ARCN1: variants seen among roughly 807,000 people sequenced by gnomAD.
The protein encoded by ARCN1 is coatomer subunit delta.
In ARCN1, 5 loss-of-function variants were observed where a neutral mutation model predicts 60.4. That is an observed-to-expected ratio of 0.08 (90% confidence interval 0.04 to 0.17). ARCN1 has a LOEUF of 0.17. Ranked by LOEUF, ARCN1 falls within the 10% of genes least tolerant of loss-of-function variation. The probability of loss-of-function intolerance (pLI) is 1.00; values close to 1 mark genes in which losing one functional copy is unlikely to be tolerated. For synonymous variants in ARCN1, 224 were observed against 220.0 expected (o/e 1.02, Z -0.16); for missense variants, 464 against 626.5 (o/e 0.74, Z 2.77).
At chr11:118,587,406 C>T (rs1448646972) in intron 5 of ARCN1, among the ~76,000 whole-genome samples, 2 of 152,126 alleles carry the variant, frequency 1.3e-5, no homozygotes, top group Non-Finnish European at 2.9e-5. Context: ...TTATGCAAAG[C>T]AGTAAAACTA....
intron 7 of ARCN1, 62 bp downstream of exon 7, chr11:118,592,918 C>A (rs2135551937): frequency 6.8e-7 from 1 of 1,460,990 alleles, no homozygotes; most frequent in South Asian, 1.5e-5. Context: ...ATAGCCCTTG[C>A]TGGTACACTT....
At chr11:118,578,294 A>G (rs1003045146) in intron 1 of ARCN1, among the ~76,000 whole-genome samples, 1 of 151,914 alleles carries the variant, frequency 6.6e-6, no homozygotes, top group Non-Finnish European at 1.5e-5. Flanking sequence ...TTTTACTTGT[A>G]TGGTATAGAG....
intron 8 of ARCN1, among the ~76,000 whole-genome samples, chr11:118,594,606 A>G (rs1319515851): frequency 1.3e-5 from 2 of 151,450 alleles, no homozygotes; most frequent in African/African-American, 2.4e-5. Flanking sequence ...CTGGAGTGCA[A>G]TGATGTGATC....
At chr11:118,595,926 G>A (rs1291182337) in intron 8 of ARCN1, among the ~76,000 whole-genome samples, 1 of 152,162 alleles carries the variant, frequency 6.6e-6, no homozygotes, top group Non-Finnish European at 1.5e-5. Context: ...AATTAGCTGG[G>A]CCTGGTGGCG....
At position 118,583,266 on chromosome 11, in the gene ARCN1, C is replaced by G; in HGVS notation, c.355C>G (p.Leu119Val). ...LIFAFDEIVALGYRENVNLAQ... is the reference protein window; with the variant it reads ...LIFAFDEIVAVGYRENVNLAQ... Reference sequence around the variant, plus strand: ...TTTTGCTTTTGATGAAATTGTCGCACTGGGATACCGGGAGAATGTTAACTT... The same window carrying G: ...TTTTGCTTTTGATGAAATTGTCGCAGTGGGATACCGGGAGAATGTTAACTT... The change falls in exon 3 of 10, where the codon CTG becomes GTG. Residue 119 changes from leucine (L) to valine (V), a missense_variant. By Grantham distance (32) the Leu-to-Val change is conservative (BLOSUM62 1). Coordinates refer to ENST00000264028, the MANE Select transcript of ARCN1 (RefSeq NM_001655.5). 1 of 1,614,150 alleles carries G rather than the reference C, an allele frequency of 6.2e-7. No individual in the cohort carries two copies. The highest frequency in any genetic ancestry group is 8.5e-7 in the Non-Finnish European group (1 of 1,180,026).
chr11:118,573,073 G>A (rs1460631047), intron 1 of ARCN1: 2 of 160,020 alleles, frequency 1.2e-5, no homozygotes, highest in Non-Finnish European at 2.7e-5. Flanking sequence ...AGGGGGAAAT[G>A]GAGACACAGA....
chr11:118,602,779 C>T lies in ARCN1; in HGVS notation c.*2065C>T, dbSNP rs1555078377. ...ATTTTTTAAAAGTCAAGTTTAATTT[C>T]AAAAAACCTTTTTTTTCTGAGATTA... On this transcript the variant is annotated 3_prime_UTR_variant, in exon 10 of 10. Coordinates refer to ENST00000264028, the MANE Select transcript of ARCN1 (RefSeq NM_001655.5). The T allele has an allele frequency of 1.3e-5, 2 of 153,568 alleles. No individual in the cohort carries two copies. The highest frequency in any genetic ancestry group is 4.1e-4 in the South Asian group (2 of 4,830). 9.5% of individuals were successfully genotyped at this position (153,568 alleles called of 1,614,324 possible). A position where few individuals can be genotyped will look rare whatever the true frequency, so the allele number is the denominator to read the frequency against.
At chr11:118,588,508 AC>A (rs1555075794) in intron 5 of ARCN1, among the ~76,000 whole-genome samples, 1 of 152,228 alleles carries the variant, frequency 6.6e-6, no homozygotes. Flanking sequence ...TATTAGGTCA[AC>A]TGACGAAATT....
At chr11:118,597,633 A>T (rs533044434) in intron 8 of ARCN1, 74 bp from the exon 9 acceptor site, 1 of 1,542,874 alleles carries the variant, frequency 6.5e-7, no homozygotes, top group African/African-American at 1.4e-5. Context: ...TCATATATCA[A>T]ATTTGGGGTT....
intron 6 of ARCN1, among the ~76,000 whole-genome samples, chr11:118,591,178 A>G (rs782127672): frequency 6.6e-6 from 1 of 152,250 alleles, no homozygotes; most frequent in African/African-American, 2.4e-5. Flanking sequence ...ATAGATATAT[A>G]TAAGCCCTGC....
chr11:118,597,572 T>TGA (rs140383170), intron 8 of ARCN1, 135 bp from the exon 9 acceptor site: 1 of 383,052 alleles, frequency 2.6e-6, no homozygotes. Context: ...CTTGAAGTTA[T>TGA]TAGCCTTTTT....
At chr11:118,582,207 A>G (rs923320772) in intron 2 of ARCN1, among the ~76,000 whole-genome samples, 1 of 151,978 alleles carries the variant, frequency 6.6e-6, no homozygotes, top group South Asian at 2.1e-4. Flanking sequence ...CAATGGTGCA[A>G]TCTCGGCTCA....
At chr11:118,598,378 A>G (rs1410656326) in intron 9 of ARCN1, among the ~76,000 whole-genome samples, 3 of 151,756 alleles carry the variant, frequency 2.0e-5, no homozygotes, top group Non-Finnish European at 4.4e-5. Context: ...TTTGAGGGTT[A>G]TTTATGTCAC....
intron 1 of ARCN1, among the ~76,000 whole-genome samples, chr11:118,578,823 A>G: frequency 6.9e-6 from 1 of 144,720 alleles, no homozygotes; most frequent in Non-Finnish European, 1.5e-5. Context: ...TGTGCGGATC[A>G]CTTTAGCCCA....
At chr11:118,587,685 A>G (rs185666046) in intron 5 of ARCN1, among the ~76,000 whole-genome samples, 4 of 152,272 alleles carry the variant, frequency 2.6e-5, no homozygotes, top group Admixed American at 2.0e-4. Flanking sequence ...GTGTCCTCCA[A>G]TTCAATTCAA....
chr11:118,575,336 G>A (rs965698834), intron 1 of ARCN1, among the ~76,000 whole-genome samples: 1 of 151,992 alleles, frequency 6.6e-6, no homozygotes, highest in Non-Finnish European at 1.5e-5. Flanking sequence ...GAAAGAAAAT[G>A]ATTCTCTTGA....
At chr11:118,600,246 G>A (rs1262766542) in intron 9 of ARCN1, among the ~76,000 whole-genome samples, 1 of 152,226 alleles carries the variant, frequency 6.6e-6, no homozygotes, top group African/African-American at 2.4e-5. Flanking sequence ...CAGAGCAAAT[G>A]AATAATGTGA....
intron 5 of ARCN1, 123 bp downstream of exon 5, chr11:118,584,767 T>C: frequency 1.1e-6 from 1 of 937,072 alleles, no homozygotes; most frequent in Non-Finnish European, 1.5e-6. Context: ...ATTTAAAAGA[T>C]TTATTCAGAG....
chr11:118,588,933 A>C (rs909836229), intron 5 of ARCN1, among the ~76,000 whole-genome samples: 1 of 151,238 alleles, frequency 6.6e-6, no homozygotes, highest in East Asian at 1.9e-4. Context: ...CAGGAGAATC[A>C]CTTGAACCCG....
Sources: gnomAD v4.1 joint callset for allele counts (sites outside exome capture counted in the v4.1 genomes callset) on GRCh38, gnomAD v4.1.1 for gene constraint, MANE v1.5 for transcripts, NCBI Gene and HGNC (gene_info 2026-07-23, HGNC 2026-07-21) for gene names.